The following HIF3A variants were observed in gnomAD, a reference collection of about 807,000 sequenced individuals.
The protein encoded by HIF3A is hypoxia inducible factor 3 subunit alpha, also known as hypoxia-inducible factor 3-alpha.
Under a neutral mutation model 67.2 loss-of-function variants are expected in HIF3A, and 41 were observed. That is an observed-to-expected ratio of 0.61 (90% CI 0.48 to 0.79). HIF3A has a LOEUF of 0.79. Among genes scored for constraint, HIF3A ranks in the 30% least tolerant of loss-of-function variants. The pLI is 0.00. For synonymous variants in HIF3A, 356 were observed against 374.8 expected (o/e 0.95, Z 0.58); for missense variants, 855 against 898.0 (o/e 0.95, Z 0.61).
At chr19:46,330,842 AGATGGATGGATG>A (rs531051205) in intron 12 of HIF3A, among the ~76,000 whole-genome samples, 1 of 145,684 alleles carries the variant, frequency 6.9e-6, no homozygotes, top group East Asian at 2.2e-4. Context: ...GATGGATGGC[AGATGGATGGATG>A]GATGGATGGA....
intron 6 of HIF3A, among the ~76,000 whole-genome samples, chr19:46,311,520 T>C (rs1322830813): frequency 2.0e-5 from 3 of 152,194 alleles, no homozygotes; most frequent in Non-Finnish European, 4.4e-5. Context: ...TCCCTGCCTT[T>C]TCCAGCTGCT....
At chr19:46,316,999 G>A (rs1353444634) in intron 8 of HIF3A, among the ~76,000 whole-genome samples, 2 of 151,976 alleles carry the variant, frequency 1.3e-5, no homozygotes, top group African/African-American at 2.4e-5. Flanking sequence ...CTGGAGAGCC[G>A]TGGCACAAAC....
At chr19:46,305,475 C>A in intron 3 of HIF3A, 85 bp downstream of exon 3, 1 of 1,268,054 alleles carries the variant, frequency 7.9e-7, no homozygotes, top group South Asian at 1.3e-5. Context: ...ATAGCCCTAC[C>A]TTTATGGGAC....
At chr19:46,330,721 G>A (rs1971147150) in intron 12 of HIF3A, among the ~76,000 whole-genome samples, 1 of 150,760 alleles carries the variant, frequency 6.6e-6, no homozygotes, top group Non-Finnish European at 1.5e-5. Flanking sequence ...ATGGATGGAT[G>A]GTGGATGGCA....
intron 1 of HIF3A, among the ~76,000 whole-genome samples, chr19:46,300,194 A>G (rs1351427870): frequency 6.6e-6 from 1 of 152,192 alleles, no homozygotes; most frequent in Non-Finnish European, 1.5e-5. Flanking sequence ...TCATTATTAC[A>G]GTATCACTGT....
At chr19:46,324,973 C>T (rs1466795285) in intron 10 of HIF3A, among the ~76,000 whole-genome samples, 3 of 132,468 alleles carry the variant, frequency 2.3e-5, no homozygotes, top group Non-Finnish European at 3.1e-5. Flanking sequence ...TACACACACA[C>T]ACACACATAT....
At chr19:46,300,858 C>T (rs1320890310) in intron 1 of HIF3A, among the ~76,000 whole-genome samples, 1 of 152,102 alleles carries the variant, frequency 6.6e-6, no homozygotes, top group African/African-American at 2.4e-5. Context: ...GAAGGAGGGT[C>T]CCTCCGCAGC....
chr19:46,327,769 C>T (rs141190797), intron 11 of HIF3A, among the ~76,000 whole-genome samples: 1 of 152,124 alleles, frequency 6.6e-6, no homozygotes, highest in African/African-American at 2.4e-5. Flanking sequence ...GTTCATGGTA[C>T]TCAGAAAGTG....
chr19:46,298,383 G>A, intron 1 of HIF3A: 2 of 1,285,204 alleles, frequency 1.6e-6, no homozygotes, highest in Non-Finnish European at 2.0e-6. Flanking sequence ...CCCACCCAAG[G>A]CCGGCCCTTT....
At chr19:46,315,926 AAAAG>A (rs1254255772) in intron 8 of HIF3A, among the ~76,000 whole-genome samples, 11 of 150,450 alleles carry the variant, frequency 7.3e-5, no homozygotes, top group East Asian at 4.0e-4. Flanking sequence ...AAAATTAAAA[AAAAG>A]AAAGAAAGAA....
rs1327117556 is a variant in HIF3A, at chr19:46,297,670, G to A, written c.26+568G>A. ...CCTGACACAGTCTCCTAAACATTGGGTTTCCCTAGAAATGGGCAGAGGGGA... is the reference window on the plus strand; with the variant it reads ...CCTGACACAGTCTCCTAAACATTGGATTTCCCTAGAAATGGGCAGAGGGGA... On this transcript the variant is annotated intron_variant, in intron 1 of 14. Coordinates refer to ENST00000377670, the MANE Select transcript of HIF3A (RefSeq NM_152795.4). The surrounding 1 kb of genome is among the most constrained non-coding windows in gnomAD (Gnocchi z 4.5). Among the ~76,000 whole-genome samples, 3 of 152,058 alleles carry A rather than the reference G, an allele frequency of 2.0e-5. No individual in the cohort carries two copies. Among genetic ancestry groups the A allele is most frequent in the African/African-American group, 7.2e-5 (3 of 41,400 alleles).
At chr19:46,303,160 G>A (rs533046613) in intron 1 of HIF3A, among the ~76,000 whole-genome samples, 38 of 152,324 alleles carry the variant, frequency 2.5e-4, no homozygotes, top group African/African-American at 8.9e-4. Context: ...GTTAATATAA[G>A]TTTCGCACTT....
intron 13 of HIF3A, among the ~76,000 whole-genome samples, chr19:46,331,885 G>T (rs1181636491): frequency 6.8e-6 from 1 of 147,502 alleles, no homozygotes; most frequent in Non-Finnish European, 1.5e-5. Flanking sequence ...GGCAATAAGT[G>T]CAAAGAAGGA....
Position 46,341,744 on chromosome 19 carries a change from T to C in HIF3A, c.*2122T>C, listed in dbSNP as rs7255624. ...TGCAACCTCCGCCTCCTGATTCAAG[T>C]GATTCTCCTGCCTCAGCCTCCTAAA... is the stretch of plus-strand genomic sequence containing the variant. On this transcript the variant is annotated 3_prime_UTR_variant, in exon 15 of 15. Transcript: ENST00000377670. The C allele has an allele frequency of 0.08, 12,164 of 151,486 alleles. 1,201 individuals are homozygous for C. Among genetic ancestry groups the C allele is most frequent in the African/African-American group, 0.23 (9,628 of 41,148 alleles). 9.4% of individuals were successfully genotyped at this position (151,486 alleles called of 1,614,324 possible).
chr19:46,305,036 C>T, intron 2 of HIF3A: 4 of 711,458 alleles, frequency 5.6e-6, no homozygotes, highest in South Asian at 3.0e-5. Context: ...ATTCTGCCAC[C>T]CTGGGAGGCC....
At position 46,338,577 on chromosome 19, in the gene HIF3A, G is replaced by A. The variant is rs370906420; in HGVS notation, c.1913-948G>A. 3.8e-5 allele frequency: 41 copies of A among 1,089,302 alleles called. No individual in the cohort carries two copies. In the East Asian group the frequency reaches 1.5e-3, roughly 41 times the overall value. The allele number at this position is 1,089,302 out of a possible 1,614,324, so 67.5% of individuals were successfully genotyped here. On this transcript the variant is annotated intron_variant, in intron 14 of 14. Transcript: ENST00000377670. ...TATCCTGGTTTCCCAAGTAACAACA[G>A]CTGACTTAACTGCTTTCTCACCAGT...
At chr19:46,330,100 C>A (rs1260271011) in intron 12 of HIF3A, among the ~76,000 whole-genome samples, 1 of 151,690 alleles carries the variant, frequency 6.6e-6, no homozygotes, top group African/African-American at 2.4e-5. Flanking sequence ...CTGTCTAGAA[C>A]TAAATTGCAA....
chr19:46,339,257 C>G (rs1285668347), intron 14 of HIF3A, among the ~76,000 whole-genome samples: 5 of 151,920 alleles, frequency 3.3e-5, no homozygotes, highest in Admixed American at 3.3e-4. Context: ...ATTGTATAAC[C>G]CGACCCCAGC....
intron 1 of HIF3A, among the ~76,000 whole-genome samples, chr19:46,299,941 C>T (rs1281891920): frequency 6.6e-6 from 1 of 152,058 alleles, no homozygotes; most frequent in Admixed American, 6.6e-5. Flanking sequence ...CCTCTTTGGG[C>T]CTGCTTCCTC....
Sources: allele counts gnomAD v4.1 joint callset (sites outside exome capture counted in the v4.1 genomes callset), GRCh38; gene constraint gnomAD v4.1.1; non-coding constraint Gnocchi (gnomAD v3.1); transcripts MANE v1.5; gene names NCBI Gene and HGNC (gene_info 2026-07-23, HGNC 2026-07-21).